LMTK2: variants seen among roughly 807,000 people sequenced by gnomAD.
LMTK2 encodes the protein serine/threonine-protein kinase LMTK2.
A neutral mutation model predicts 127.5 loss-of-function variants in LMTK2; 37 were observed. The observed-to-expected ratio is 0.29, with a 90% confidence interval of 0.22 to 0.38. LMTK2 has a LOEUF of 0.38. Ranked by LOEUF, LMTK2 falls within the 10% of genes least tolerant of loss-of-function variation. LMTK2 has a pLI of 1.00. For synonymous variants in LMTK2, 819 were observed against 810.1 expected (o/e 1.01, Z -0.19); for missense variants, 1,694 against 1,920.3 (o/e 0.88, Z 2.20).
intron 11 of LMTK2, among the ~76,000 whole-genome samples, chr7:98,200,276 A>G (rs1797688190): frequency 4.6e-5 from 7 of 152,170 alleles, no homozygotes; most frequent in Admixed American, 4.6e-4. Context: ...TGTTGCATAC[A>G]TGTACACTGA....
intron 11 of LMTK2, among the ~76,000 whole-genome samples, chr7:98,197,536 C>T (rs549498314): frequency 1.4e-3 from 213 of 152,330 alleles, no homozygotes; most frequent in South Asian, 4.6e-3. Context: ...GGGTTCCCTC[C>T]AGCCTGATCC....
chr7:98,151,980 T>G (rs1292128340), intron 4 of LMTK2, among the ~76,000 whole-genome samples: 1 of 151,846 alleles, frequency 6.6e-6, no homozygotes, highest in Non-Finnish European at 1.5e-5. Flanking sequence ...AACAAAGGCC[T>G]TTAAAAAAAA....
chr7:98,203,037 T>C (rs932744769), intron 11 of LMTK2, among the ~76,000 whole-genome samples: 13 of 152,198 alleles, frequency 8.5e-5, no homozygotes, highest in Non-Finnish European at 1.5e-4. Flanking sequence ...GGAGGCTTCA[T>C]GGCCCTCAGG....
intron 7 of LMTK2, among the ~76,000 whole-genome samples, chr7:98,175,015 C>T (rs1000447561): frequency 9.2e-5 from 14 of 152,178 alleles, no homozygotes; most frequent in African/African-American, 2.2e-4. Flanking sequence ...GGCCACCCCA[C>T]GTGCCACGAG....
chr7:98,190,150 A>G (rs1797500106), intron 9 of LMTK2, among the ~76,000 whole-genome samples: 1 of 152,194 alleles, frequency 6.6e-6, no homozygotes. Flanking sequence ...TACACCTATT[A>G]TCTCTGTTTT....
At chr7:98,161,348 G>GCT (rs776986544) in intron 6 of LMTK2, among the ~76,000 whole-genome samples, 81 of 152,242 alleles carry the variant, frequency 5.3e-4, no homozygotes, top group Admixed American at 1.0e-3. Context: ...AACTCCTAGA[G>GCT]CTCTCTCTCC....
In LMTK2 at chr7:98,109,465, C is replaced by T. The variant is rs147737459; in HGVS notation, c.103+2185C>T. Among the ~76,000 whole-genome samples the T allele has an allele frequency of 4.3e-4, 65 of 152,058 alleles. No homozygotes were observed. In the East Asian group the frequency reaches 0.012, roughly 28 times the overall value. On this transcript the variant is annotated intron_variant, in intron 1 of 13. Coordinates refer to ENST00000297293, the MANE Select transcript of LMTK2 (RefSeq NM_014916.4). Reference sequence around the variant, plus strand: ...CTGTGGAAAAGACGCACAGTCAGGCCGGGAGCAGTGGATCACACCTGTAAT... The same window carrying T: ...CTGTGGAAAAGACGCACAGTCAGGCTGGGAGCAGTGGATCACACCTGTAAT...
At chr7:98,173,705 A>G (rs1341203219) in intron 7 of LMTK2, among the ~76,000 whole-genome samples, 4 of 152,230 alleles carry the variant, frequency 2.6e-5, no homozygotes, top group Admixed American at 2.6e-4. Context: ...GAGCAAGTAA[A>G]GATGATGAGT....
Position 98,191,696 on chromosome 7 carries a change from C to T in LMTK2, c.1231C>T (p.Arg411Trp), listed in dbSNP as rs561329062. The T allele has an allele frequency of 2.0e-5, 32 of 1,614,166 alleles. No homozygotes were observed. Among genetic ancestry groups the T allele is most frequent in the East Asian group, 4.5e-5 (2 of 44,886 alleles). Reference protein sequence around the residue: ...EDVHRLLTYLRLQSQRDSEVD... With the variant: ...EDVHRLLTYLWLQSQRDSEVD... The stretch of plus-strand genomic sequence containing the variant: ...TGTGCACAGGCTGCTGACTTACCTG[C>T]GGCTGCAGAGCCAGCGGGACTCAGA... The change falls in exon 11 of 14, where the codon CGG becomes TGG. Residue 411 changes from arginine (R) to tryptophan (W), a missense_variant. By Grantham distance (101) the Arg-to-Trp change is moderately radical. This residue lies in a region of LMTK2 where 216 missense variants were observed against 266.8 expected (regional missense o/e 0.81). Transcript: ENST00000297293.
At chr7:98,107,735 T>A (rs1372008153) in intron 1 of LMTK2, among the ~76,000 whole-genome samples, 1 of 152,210 alleles carries the variant, frequency 6.6e-6, no homozygotes. Context: ...TGCAACTTAT[T>A]CTGAAGTTGT....
At chr7:98,169,609 T>C (rs1455951162) in intron 6 of LMTK2, among the ~76,000 whole-genome samples, 2 of 152,228 alleles carry the variant, frequency 1.3e-5, no homozygotes, top group Non-Finnish European at 2.9e-5. Context: ...TCATTGGTAA[T>C]GTAGATAGAC....
chr7:98,111,545 C>G (rs1796201357), intron 1 of LMTK2, among the ~76,000 whole-genome samples: 1 of 152,046 alleles, frequency 6.6e-6, no homozygotes, highest in Non-Finnish European at 1.5e-5. Flanking sequence ...GCTTAAGGAC[C>G]CTGGGTCAGT....
chr7:98,120,182 G>T (rs1274047580), intron 1 of LMTK2, among the ~76,000 whole-genome samples: 7 of 152,178 alleles, frequency 4.6e-5, no homozygotes, highest in African/African-American at 1.4e-4. Context: ...TGGGAGAAAA[G>T]AATTTAGTTA....
At chr7:98,181,345 A>T (rs1349629152) in intron 7 of LMTK2, among the ~76,000 whole-genome samples, 1 of 152,232 alleles carries the variant, frequency 6.6e-6, no homozygotes, top group African/African-American at 2.4e-5. Flanking sequence ...GTGCAATCAT[A>T]GCCCATTGTA....
At chr7:98,204,534 G>A (rs986235996) in intron 13 of LMTK2, among the ~76,000 whole-genome samples, 3 of 152,248 alleles carry the variant, frequency 2.0e-5, no homozygotes, top group Non-Finnish European at 2.9e-5. Context: ...GGCTGAGGTG[G>A]GAGGAATGCT....
At chr7:98,142,009 T>C (rs528325516) in intron 3 of LMTK2, among the ~76,000 whole-genome samples, 1 of 152,096 alleles carries the variant, frequency 6.6e-6, no homozygotes, top group Non-Finnish European at 1.5e-5. Context: ...AAAAATAGAA[T>C]GTGACTAGAA....
At chr7:98,138,312 C>G (rs1796625250) in intron 2 of LMTK2, among the ~76,000 whole-genome samples, 1 of 152,206 alleles carries the variant, frequency 6.6e-6, no homozygotes, top group Non-Finnish European at 1.5e-5. Context: ...TGGCTAAAGC[C>G]TTGTTTTCCC....
intron 11 of LMTK2, among the ~76,000 whole-genome samples, chr7:98,196,590 A>G (rs1308443453): frequency 1.3e-5 from 2 of 152,196 alleles, no homozygotes; most frequent in African/African-American, 4.8e-5. Context: ...GCCTGGGGGT[A>G]GCTGGAGTAG....
chr7:98,204,968 T>G (rs1744275559), intron 13 of LMTK2, among the ~76,000 whole-genome samples: 1 of 152,162 alleles, frequency 6.6e-6, no homozygotes, highest in Admixed American at 6.5e-5. Flanking sequence ...GGTCCTGGTG[T>G]GGCTCCCGAG....
Sources: allele counts gnomAD v4.1 joint callset (sites outside exome capture counted in the v4.1 genomes callset), GRCh38; gene constraint gnomAD v4.1.1; regional missense constraint gnomAD v4.1.1; transcripts MANE v1.5; gene names NCBI Gene and HGNC (gene_info 2026-07-23, HGNC 2026-07-21).